Variants in SNX25 observed in about 807,000 individuals in gnomAD.
SNX25 encodes sorting nexin-25.
Under a neutral mutation model 113.7 loss-of-function variants are expected in SNX25, and 62 were observed. The observed-to-expected ratio is 0.55, with a 90% CI of 0.44 to 0.67. The LOEUF is 0.67. Ranked by LOEUF, SNX25 falls within the 30% of genes least tolerant of loss-of-function variation. SNX25 has a pLI of 0.00. For synonymous variants in SNX25, 421 were observed against 436.2 expected (o/e 0.97, Z 0.43); for missense variants, 1,014 against 1,161.0 (o/e 0.87, Z 1.84).
chr4:185,263,333 A>T (rs1747590916), intron 3 of SNX25, among the ~76,000 whole-genome samples: 1 of 152,342 alleles, frequency 6.6e-6, no homozygotes, highest in Middle Eastern at 3.4e-3. Context: ...GTAGCATCTT[A>T]ATCTTACTAT....
At chr4:185,370,427 T>G (rs2095410940), downstream of SNX25, among the ~76,000 whole-genome samples, 1 of 152,098 alleles carries the variant, frequency 6.6e-6, no homozygotes, top group Non-Finnish European at 1.5e-5. Context: ...TGCATCAAAA[T>G]AGGACTTTTA....
Position 185,259,046 on chromosome 4 carries a change from T to C in SNX25, c.713T>C (p.Leu238Pro), listed in dbSNP as rs1217760805. Residue 238 changes from leucine (L) to proline (P), a missense_variant, in exon 3 of 19, where the codon CTG becomes CCG. By Grantham distance (98) the Leu-to-Pro change is moderately conservative. Coordinates refer to ENST00000652585, the MANE Select transcript of SNX25 (RefSeq NM_001378034.2). ...VRTLLTHFCDLKAANARHEEQ... is the reference protein window; with the variant it reads ...VRTLLTHFCDPKAANARHEEQ... ...ACTTTACTCACTCATTTCTGTGACC[T>C]GAAAGCTGCCAATGCCAGGTAACTG... 14 of 1,614,072 alleles carry C rather than the reference T, an allele frequency of 8.7e-6. No individual in the cohort carries two copies. Among genetic ancestry groups the C allele is most frequent in the Non-Finnish European group, 1.2e-5 (14 of 1,179,922 alleles).
chr4:185,307,882 G>A (rs1754675990), intron 6 of SNX25, among the ~76,000 whole-genome samples: 1 of 152,148 alleles, frequency 6.6e-6, no homozygotes, highest in Non-Finnish European at 1.5e-5. Context: ...AGCCTCCTGA[G>A]TATCTGGAAC....
chr4:185,343,108 C>A (rs1321307825), intron 12 of SNX25, among the ~76,000 whole-genome samples: 1 of 152,136 alleles, frequency 6.6e-6, no homozygotes, highest in Non-Finnish European at 1.5e-5. Flanking sequence ...CCAGGCTGGT[C>A]TCGAACTCCT....
Position 185,363,789 on chromosome 4 carries a change from A to G in SNX25, c.*324A>G, listed in dbSNP as rs1278385922. 1 of 194,104 alleles carries G rather than the reference A, an allele frequency of 5.2e-6. No homozygotes were observed. The highest frequency in any genetic ancestry group is 1.1e-5 in the Non-Finnish European group (1 of 92,836). The allele number at this position is 194,104 out of a possible 1,614,324, so 12.0% of individuals were successfully genotyped here. ...TTTTGTTTTAAAATGAACTATGAAT[A>G]TTGTACAGTTAATTTCCTCACTGAG... On this transcript the variant is annotated 3_prime_UTR_variant, in exon 19 of 19. Coordinates refer to ENST00000652585, the MANE Select transcript of SNX25 (RefSeq NM_001378034.2). The surrounding 1 kb of genome is among the most constrained non-coding windows in gnomAD (Gnocchi z 4.2).
intron 1 of SNX25, among the ~76,000 whole-genome samples, chr4:185,238,292 A>G (rs934243042): frequency 2.0e-5 from 3 of 152,002 alleles, no homozygotes; most frequent in Non-Finnish European, 2.9e-5. Context: ...CCCGCCTGCC[A>G]TGGGAGCCTG....
At chr4:185,297,420 A>G (rs1035170154) in intron 6 of SNX25, among the ~76,000 whole-genome samples, 2 of 152,100 alleles carry the variant, frequency 1.3e-5, no homozygotes, top group Non-Finnish European at 2.9e-5. Context: ...GTACCTTTCT[A>G]CTTAATCTCT....
rs1238244779 is a variant in SNX25 at position 185,232,716 on chromosome 4, G to A, written c.430-14578G>A. On this transcript the variant is annotated intron_variant, in intron 1 of 18. Transcript: ENST00000652585. The surrounding 1 kb of genome is among the most constrained non-coding windows in gnomAD (Gnocchi z 4.4). Reference sequence around the variant, plus strand: ...GTTACAGGACAGCTTTAAAGCAGGGGCAGCTCTTCTGGTTCCTTCAGCATT... The same window carrying A: ...GTTACAGGACAGCTTTAAAGCAGGGACAGCTCTTCTGGTTCCTTCAGCATT... Among the ~76,000 whole-genome samples the A allele has an allele frequency of 2.0e-5, 3 of 152,210 alleles. No homozygotes were observed. In the East Asian group the frequency reaches 5.8e-4, roughly 29 times the overall value.
chr4:185,374,129 C>T (rs768537638), downstream of SNX25: 17 of 1,608,496 alleles, frequency 1.1e-5, no homozygotes, highest in East Asian at 2.2e-5. Flanking sequence ...AAAGAGGGAA[C>T]GTTACCTTTT....
At chr4:185,314,869 A>AG (rs1253997155) in intron 7 of SNX25, among the ~76,000 whole-genome samples, 1 of 150,892 alleles carries the variant, frequency 6.6e-6, no homozygotes, top group Non-Finnish European at 1.5e-5. Context: ...AAAAAAAAAA[A>AG]AAAAAGACAA....
At chr4:185,306,866 C>T (rs1384579729) in intron 6 of SNX25, among the ~76,000 whole-genome samples, 3 of 152,198 alleles carry the variant, frequency 2.0e-5, no homozygotes, top group Non-Finnish European at 4.4e-5. Context: ...CATCCTCCCA[C>T]AAAGGAGTCT....
At chr4:185,324,031 C>G (rs2095138855) in intron 9 of SNX25, among the ~76,000 whole-genome samples, 1 of 152,196 alleles carries the variant, frequency 6.6e-6, no homozygotes. Flanking sequence ...CCCCTTTTAT[C>G]CTCTGACATA....
rs1751990042 is a variant in SNX25, at chr4:185,290,438, G to C, written c.1162+2356G>C. The stretch of plus-strand genomic sequence containing the variant: ...TGGGGCCTTGGAGCCGTTTTGCCTG[G>C]GACAGGAAACACTGGACACTGGTCT... On this transcript the variant is annotated intron_variant, in intron 6 of 18. Coordinates refer to ENST00000652585, the MANE Select transcript of SNX25 (RefSeq NM_001378034.2). 3.3e-5 allele frequency among the ~76,000 whole-genome samples: 5 copies of C among 152,100 alleles called. No homozygotes were observed. In the South Asian group the frequency reaches 1.0e-3, roughly 32 times the overall value.
At chr4:185,306,844 T>C (rs1235565137) in intron 6 of SNX25, among the ~76,000 whole-genome samples, 2 of 152,242 alleles carry the variant, frequency 1.3e-5, no homozygotes, top group Non-Finnish European at 2.9e-5. Context: ...TGGGGCAAAC[T>C]ACATTTACCT....
chr4:185,233,851 TAA>T (rs1368393047), intron 1 of SNX25, among the ~76,000 whole-genome samples: 3 of 131,378 alleles, frequency 2.3e-5, no homozygotes, highest in Non-Finnish European at 3.5e-5. Flanking sequence ...AAAAACAACT[TAA>T]GTGTTATTAT....
intron 12 of SNX25, among the ~76,000 whole-genome samples, chr4:185,343,051 C>T (rs967782794): frequency 2.0e-5 from 3 of 152,074 alleles, no homozygotes; most frequent in Non-Finnish European, 2.9e-5. Context: ...CCACCACACC[C>T]GGCTAATTTT....
At chr4:185,376,443 C>CTTTTTTTTTTTTTTTTT in the SNX25 span, among the ~76,000 whole-genome samples, 1 of 105,824 alleles carries the variant, frequency 9.4e-6, no homozygotes, top group Admixed American at 1.1e-4. Context: ...TGCCCAGCTA[C>CTTTTTTTTTTTTTTTTT]TTTTTTTTTT....
intron 5 of SNX25, among the ~76,000 whole-genome samples, chr4:185,277,226 T>C (rs1431606969): frequency 3.3e-5 from 5 of 152,194 alleles, no homozygotes; most frequent in Non-Finnish European, 5.9e-5. Flanking sequence ...GGTTTCACCA[T>C]GTTGGCCAGG....
intron 12 of SNX25, among the ~76,000 whole-genome samples, chr4:185,342,680 A>AT (rs2095266117): frequency 6.7e-6 from 1 of 149,948 alleles, no homozygotes; most frequent in Non-Finnish European, 1.5e-5. Flanking sequence ...CAAGGGAGGC[A>AT]TTAAGGCGCG....
Sources: allele counts gnomAD v4.1 joint callset (sites outside exome capture counted in the v4.1 genomes callset), GRCh38; gene constraint gnomAD v4.1.1; non-coding constraint Gnocchi (gnomAD v3.1); transcripts MANE v1.5; gene names NCBI Gene and HGNC (gene_info 2026-07-23, HGNC 2026-07-21).